BNC2: variants seen among roughly 807,000 people sequenced by gnomAD.
The protein encoded by BNC2 is basonuclin zinc finger protein 2.
Under a neutral mutation model 76.3 loss-of-function variants are expected in BNC2, and 20 were observed. The ratio of observed to expected loss-of-function variants is 0.26; its 90% CI spans 0.18 to 0.38. BNC2 has a LOEUF of 0.38. BNC2 is among the 10% of genes least tolerant of loss of function. BNC2 has a pLI of 1.00. For missense variants in BNC2, 1,382 were observed against 1,399.8 expected (o/e 0.99, Z 0.20); for synonymous variants, 582 against 514.8 (o/e 1.13, Z -1.77).
rs1448815321 is a variant in BNC2 at position 16,726,560 on chromosome 9, A to T, written c.330+1237T>A. On this transcript the variant is annotated intron_variant, in intron 3 of 6. Coordinates refer to ENST00000380672, the MANE Select transcript of BNC2 (RefSeq NM_017637.6). Reference sequence around the variant, plus strand: ...GAACTCTTACAAACAAAAGCTTTTTAAAAAAAAAAAAAAAAAAAGCAGTTG... The same window carrying T: ...GAACTCTTACAAACAAAAGCTTTTTTAAAAAAAAAAAAAAAAAAGCAGTTG... 8.2e-3 allele frequency among the ~76,000 whole-genome samples: 10 copies of T among 1,222 alleles called. No homozygotes were observed. In the South Asian group the frequency reaches 0.12, roughly 14 times the overall value. 0.8% of individuals were successfully genotyped at this position (1,222 alleles called of 152,430 possible).
chr9:16,524,722 A>C (rs1321279990), intron 5 of BNC2, among the ~76,000 whole-genome samples: 2 of 152,200 alleles, frequency 1.3e-5, no homozygotes, highest in Non-Finnish European at 2.9e-5. Flanking sequence ...AGCTCTATAC[A>C]ACAACATTTA....
intron 1 of BNC2, among the ~76,000 whole-genome samples, chr9:16,773,793 A>G (rs1350460154): frequency 6.6e-6 from 1 of 152,082 alleles, no homozygotes; most frequent in East Asian, 1.9e-4. Context: ...TACATGCCAA[A>G]TGACCTCTAC....
In BNC2 at chr9:16,615,017, A is replaced by C. The variant is rs1820660203; in HGVS notation, c.331-31932T>G. Among the ~76,000 whole-genome samples, 7 of 148,730 alleles carry C rather than the reference A, an allele frequency of 4.7e-5. No individual in the cohort carries two copies. The South Asian group carries it at 8.6e-4, about 18-fold the overall frequency. ...AAAAAAAAAAAAAGCCAAGCAGGCC[A>C]GTTACCTTTCCACATACAAGAACAG... On this transcript the variant is annotated intron_variant, in intron 3 of 6. Coordinates refer to ENST00000380672, the MANE Select transcript of BNC2 (RefSeq NM_017637.6).
At chr9:16,787,239 C>G (rs1356333481) in intron 1 of BNC2, among the ~76,000 whole-genome samples, 2 of 152,186 alleles carry the variant, frequency 1.3e-5, no homozygotes, top group Non-Finnish European at 2.9e-5. Flanking sequence ...CTAGTTCTCC[C>G]TCCATCCACC....
chr9:16,784,842 C>G (rs1373562807), intron 1 of BNC2, among the ~76,000 whole-genome samples: 1 of 152,148 alleles, frequency 6.6e-6, no homozygotes, highest in Non-Finnish European at 1.5e-5. Context: ...AATAATGAGA[C>G]TTTTTCTTTT....
chr9:16,634,609 C>G (rs1821264714), intron 3 of BNC2, among the ~76,000 whole-genome samples: 1 of 150,564 alleles, frequency 6.6e-6, no homozygotes, highest in African/African-American at 2.5e-5. Context: ...TCACACCATT[C>G]TAGTGCCTCA....
chr9:16,500,167 C>T (rs1191947418), intron 5 of BNC2, among the ~76,000 whole-genome samples: 9 of 152,034 alleles, frequency 5.9e-5, no homozygotes, highest in Admixed American at 5.9e-4. Flanking sequence ...TTCCCTCTCT[C>T]CTCTACCCCT....
At chr9:16,455,259 G>A (rs570590087) in intron 5 of BNC2, among the ~76,000 whole-genome samples, 1 of 152,278 alleles carries the variant, frequency 6.6e-6, no homozygotes, top group South Asian at 2.1e-4. Context: ...CTGCAGGTGG[G>A]GCAGAGGGAG....
intron 5 of BNC2, among the ~76,000 whole-genome samples, chr9:16,548,266 G>A (rs527692863): frequency 3.9e-5 from 6 of 152,014 alleles, no homozygotes; most frequent in Non-Finnish European, 7.4e-5. Flanking sequence ...ATAATCACCC[G>A]TATTCTTATT....
chr9:16,655,858 G>A (rs577546838), intron 3 of BNC2, among the ~76,000 whole-genome samples: 3 of 152,278 alleles, frequency 2.0e-5, no homozygotes, highest in Admixed American at 1.3e-4. Context: ...CAAAGAACAC[G>A]TGCTGACTGG....
At chr9:16,522,286 G>C (rs1233426890) in intron 5 of BNC2, among the ~76,000 whole-genome samples, 1 of 152,188 alleles carries the variant, frequency 6.6e-6, no homozygotes, top group Non-Finnish European at 1.5e-5. Flanking sequence ...AACATTAGCA[G>C]AAATGTCACT....
At chr9:16,462,649 A>G (rs1045286651) in intron 5 of BNC2, among the ~76,000 whole-genome samples, 3 of 152,222 alleles carry the variant, frequency 2.0e-5, no homozygotes, top group Non-Finnish European at 2.9e-5. Context: ...TCTTCCAGCT[A>G]CATCATACCT....
intron 1 of BNC2, among the ~76,000 whole-genome samples, chr9:16,789,449 G>A (rs942796393): frequency 3.9e-5 from 6 of 152,046 alleles, no homozygotes; most frequent in African/African-American, 1.4e-4. Context: ...TTCCTGATCT[G>A]GCCCATATCT....
At chr9:16,477,168 G>A (rs754987785) in intron 5 of BNC2, among the ~76,000 whole-genome samples, 8 of 152,294 alleles carry the variant, frequency 5.3e-5, no homozygotes, top group African/African-American at 9.6e-5. Context: ...GAGGCAGGAG[G>A]ATCACTTGAG....
At chr9:16,688,046 A>G (rs1164592837) in intron 3 of BNC2, among the ~76,000 whole-genome samples, 4 of 152,180 alleles carry the variant, frequency 2.6e-5, no homozygotes, top group Admixed American at 2.6e-4. Flanking sequence ...ATATATCCAT[A>G]AGAATCTTTG....
Position 16,755,329 on chromosome 9 carries a change from G to A in BNC2, c.4-16844C>T, listed in dbSNP as rs1825349757. On this transcript the variant is annotated intron_variant, in intron 1 of 6. Coordinates refer to ENST00000380672, the MANE Select transcript of BNC2 (RefSeq NM_017637.6). ...GCATAATCAGTGAACAAAAGGAAAGGAGGCTGTGGGGGGACACCACCTCAG... is the reference window on the plus strand; with the variant it reads ...GCATAATCAGTGAACAAAAGGAAAGAAGGCTGTGGGGGGACACCACCTCAG... Among the ~76,000 whole-genome samples, 6 of 152,178 alleles carry A rather than the reference G, an allele frequency of 3.9e-5. No homozygotes were observed. The South Asian group carries it at 1.2e-3, about 32-fold the overall frequency.
At chr9:16,627,230 A>G (rs1470490838) in intron 3 of BNC2, among the ~76,000 whole-genome samples, 1 of 152,222 alleles carries the variant, frequency 6.6e-6, no homozygotes, top group Non-Finnish European at 1.5e-5. Context: ...GGGTAGAGGC[A>G]TAATCTGCCA....
At chr9:16,778,691 T>G (rs1441310642) in intron 1 of BNC2, among the ~76,000 whole-genome samples, 6 of 152,220 alleles carry the variant, frequency 3.9e-5, no homozygotes, top group Non-Finnish European at 7.3e-5. Flanking sequence ...AAGCCTGAGC[T>G]CTTTCCACTG....
intron 3 of BNC2, among the ~76,000 whole-genome samples, chr9:16,661,309 G>C (rs1822104821): frequency 6.6e-6 from 1 of 152,070 alleles, no homozygotes; most frequent in African/African-American, 2.4e-5. Flanking sequence ...AACTTACTTG[G>C]ATAAACCACA....
Sources: allele counts gnomAD v4.1 joint callset (sites outside exome capture counted in the v4.1 genomes callset), GRCh38; gene constraint gnomAD v4.1.1; transcripts MANE v1.5; gene names NCBI Gene and HGNC (gene_info 2026-07-23, HGNC 2026-07-21).